Variants in GRID2 observed in about 807,000 individuals in gnomAD.
GRID2 encodes glutamate receptor ionotropic, delta-2.
GRID2 carries 33 observed loss-of-function variants against 114.8 expected under a neutral mutation model. The ratio of observed to expected loss-of-function variants is 0.29; its 90% CI spans 0.22 to 0.38. GRID2 has a LOEUF of 0.38. Among genes scored for constraint, GRID2 ranks in the 10% least tolerant of loss-of-function variants. The pLI is 1.00. For missense variants in GRID2, 1,184 were observed against 1,257.7 expected (o/e 0.94, Z 0.89); for synonymous variants, 505 against 449.9 (o/e 1.12, Z -1.55).
intron 2 of GRID2, among the ~76,000 whole-genome samples, chr4:92,628,266 C>T (rs1306737643): frequency 6.6e-6 from 1 of 152,242 alleles, no homozygotes; most frequent in East Asian, 1.9e-4. Flanking sequence ...CTCCAGAGAG[C>T]ATTCTCCTCT....
At chr4:93,216,258 A>ATG (rs903994564) in intron 5 of GRID2, among the ~76,000 whole-genome samples, 4 of 151,528 alleles carry the variant, frequency 2.6e-5, no homozygotes, top group African/African-American at 9.7e-5. Context: ...ATTGCTAATT[A>ATG]TGTGTGTGTG....
chr4:92,623,775 G>C (rs1301211562), intron 2 of GRID2, among the ~76,000 whole-genome samples: 1 of 151,746 alleles, frequency 6.6e-6, no homozygotes, highest in Non-Finnish European at 1.5e-5. Context: ...CAGAACCATT[G>C]AGTTGGAACT....
chr4:92,731,153 T>A (rs1417882789), intron 2 of GRID2, among the ~76,000 whole-genome samples: 1 of 151,872 alleles, frequency 6.6e-6, no homozygotes, highest in African/African-American at 2.4e-5. Flanking sequence ...ACTTTGAGGG[T>A]TTAAAAGCTC....
intron 13 of GRID2, among the ~76,000 whole-genome samples, chr4:93,526,641 C>G (rs1730934113): frequency 6.6e-6 from 1 of 152,100 alleles, no homozygotes; most frequent in Non-Finnish European, 1.5e-5. Flanking sequence ...GAAACCCCGT[C>G]TCTATTAAAA....
intron 3 of GRID2, among the ~76,000 whole-genome samples, chr4:93,097,041 T>TA (rs1356869570): frequency 6.6e-6 from 1 of 151,872 alleles, no homozygotes; most frequent in African/African-American, 2.4e-5. Context: ...TATAAATGAG[T>TA]AATACTGTAT....
chr4:93,532,154 G>A (rs534182712), intron 13 of GRID2, among the ~76,000 whole-genome samples: 1 of 152,148 alleles, frequency 6.6e-6, no homozygotes, highest in Non-Finnish European at 1.5e-5. Flanking sequence ...GATAATGTGT[G>A]TTAAAATATG....
At chr4:93,453,104 G>A (rs1450065888) in intron 10 of GRID2, among the ~76,000 whole-genome samples, 1 of 141,476 alleles carries the variant, frequency 7.1e-6, no homozygotes, top group African/African-American at 2.7e-5. Flanking sequence ...TGTTCTCATT[G>A]TTCAATTCCC....
chr4:93,632,213 T>G (rs925293766), intron 14 of GRID2, among the ~76,000 whole-genome samples: 13 of 152,224 alleles, frequency 8.5e-5, no homozygotes, highest in Non-Finnish European at 1.9e-4. Context: ...AGAAGCTCTT[T>G]AGTTTAATGA....
intron 9 of GRID2, among the ~76,000 whole-genome samples, chr4:93,403,074 T>C (rs936950752): frequency 1.3e-5 from 2 of 151,678 alleles, no homozygotes; most frequent in African/African-American, 4.8e-5. Flanking sequence ...CAGCAAGGAG[T>C]TGGGAAGAGA....
intron 14 of GRID2, among the ~76,000 whole-genome samples, chr4:93,660,214 G>A (rs1323786520): frequency 1.3e-5 from 2 of 152,008 alleles, no homozygotes; most frequent in Non-Finnish European, 2.9e-5. Context: ...CAGTTAAAAT[G>A]CTATCCCAGT....
Position 93,216,825 on chromosome 4 carries a change from A to C in GRID2, c.877A>C (p.Asn293His), listed in dbSNP as rs1384178227. 1 of 1,613,032 alleles carries C rather than the reference A, an allele frequency of 6.2e-7. No individual in the cohort carries two copies. Among genetic ancestry groups the C allele is most frequent in the Admixed American group, 1.7e-5 (1 of 59,976 alleles). Residue 293 changes from asparagine (N) to histidine (H), a missense_variant, in exon 6 of 16, where the codon AAC becomes CAC. This residue lies in a region of GRID2 where 455 missense variants were observed against 429.5 expected (regional missense o/e 1.06). Coordinates refer to ENST00000282020, the MANE Select transcript of GRID2 (RefSeq NM_001510.4). Reference sequence around the variant, plus strand: ...TCGGCAGACATTTCCAGTTCCCCAGAACATAAGTCAGCGGTGTTTCCGTGG... The same window carrying C: ...TCGGCAGACATTTCCAGTTCCCCAGCACATAAGTCAGCGGTGTTTCCGTGG... ...IIRQTFPVPQ[N>H]ISQRCFRGNH...
intron 2 of GRID2, among the ~76,000 whole-genome samples, chr4:92,861,465 C>T (rs1488876678): frequency 6.6e-6 from 1 of 152,094 alleles, no homozygotes; most frequent in Non-Finnish European, 1.5e-5. Context: ...ATCTTTTTCT[C>T]ATGCTGTTTT....
intron 1 of GRID2, among the ~76,000 whole-genome samples, chr4:93,791,921 C>T (rs1734702896): frequency 6.6e-6 from 1 of 152,162 alleles, no homozygotes; most frequent in Admixed American, 6.5e-5. Context: ...TTCCCTTTAA[C>T]GATGAATAAG....
intron 2 of GRID2, among the ~76,000 whole-genome samples, chr4:93,046,720 T>G (rs1726170941): frequency 6.6e-6 from 1 of 152,004 alleles, no homozygotes; most frequent in Admixed American, 6.6e-5. Flanking sequence ...AGATTCTTTT[T>G]GAATGCACTA....
At chr4:92,504,379 T>C (rs1338408229) in intron 1 of GRID2, among the ~76,000 whole-genome samples, 1 of 151,920 alleles carries the variant, frequency 6.6e-6, no homozygotes, top group Non-Finnish European at 1.5e-5. Flanking sequence ...CCTAAGCAAG[T>C]TGGAAAATAG....
At chr4:92,380,621 T>C (rs1325578294) in intron 1 of GRID2, among the ~76,000 whole-genome samples, 4 of 152,080 alleles carry the variant, frequency 2.6e-5, no homozygotes, top group Non-Finnish European at 5.9e-5. Flanking sequence ...TGTATACTTA[T>C]AGATTAATAC....
chr4:92,349,021 A>G (rs1280249533), intron 1 of GRID2, among the ~76,000 whole-genome samples: 1 of 150,664 alleles, frequency 6.6e-6, no homozygotes, highest in Non-Finnish European at 1.5e-5. Context: ...TTTTTTTTTG[A>G]GTGCCTATGA....
chr4:92,917,692 C>T (rs1032158089), intron 2 of GRID2, among the ~76,000 whole-genome samples: 5 of 152,146 alleles, frequency 3.3e-5, no homozygotes, highest in Non-Finnish European at 7.3e-5. Flanking sequence ...GGACTCTCTT[C>T]TGTACCATTG....
intron 3 of GRID2, among the ~76,000 whole-genome samples, chr4:93,107,565 A>G (rs1186697300): frequency 6.6e-6 from 1 of 152,028 alleles, no homozygotes; most frequent in East Asian, 1.9e-4. Context: ...TTGAGGGGGC[A>G]TCTCACTCTG....
Sources: gnomAD v4.1 joint callset for allele counts (sites outside exome capture counted in the v4.1 genomes callset) on GRCh38, gnomAD v4.1.1 for gene constraint, gnomAD v4.1.1 regional missense constraint, MANE v1.5 for transcripts, NCBI Gene and HGNC (gene_info 2026-07-23, HGNC 2026-07-21) for gene names.